Variants in DCTN5 observed in about 807,000 individuals in gnomAD.
DCTN5 encodes the protein dynactin 4.
In DCTN5, 14 loss-of-function variants were observed where a neutral mutation model predicts 23.5. The observed-to-expected ratio is 0.60, with a 90% CI of 0.39 to 0.93. The LOEUF (loss-of-function observed/expected upper bound fraction) is 0.93. Among genes scored for constraint, DCTN5 ranks in the 40% least tolerant of loss-of-function variants. The pLI, the probability that DCTN5 is intolerant of heterozygous loss-of-function variation, is 0.00. For synonymous variants in DCTN5, 67 were observed against 79.6 expected (o/e 0.84, Z 0.84); for missense variants, 156 against 225.9 (o/e 0.69, Z 1.98).
intron 3 of DCTN5, among the ~76,000 whole-genome samples, chr16:23,660,672 T>C (rs1362402062): frequency 6.6e-6 from 1 of 152,210 alleles, no homozygotes; most frequent in Non-Finnish European, 1.5e-5. Flanking sequence ...CAGTGTTCTC[T>C]CTCTTTTGTC....
At chr16:23,658,485 T>A (rs1365095314) in intron 2 of DCTN5, 22 bp from the exon 3 acceptor site, 6 of 1,572,450 alleles carry the variant, frequency 3.8e-6, no homozygotes, top group Non-Finnish European at 5.3e-6. Context: ...GCTAATTTTT[T>A]AAAATTTGCT....
At chr16:23,641,995 G>C (rs1001863545) in intron 1 of DCTN5, among the ~76,000 whole-genome samples, 5 of 152,116 alleles carry the variant, frequency 3.3e-5, no homozygotes, top group Admixed American at 3.3e-4. Context: ...GCCGCGGCGC[G>C]ATCTCTGCTC....
chr16:23,671,021 G>A lies in DCTN5; in HGVS notation c.*3877G>A, dbSNP rs952477361. ...TCTCATAGGGATCTCACAGCTTAGT[G>A]AGTGAGAAAGCCAAAGAGTCAAAAT... is the stretch of plus-strand genomic sequence containing the variant. On this transcript the variant is annotated 3_prime_UTR_variant, in exon 6 of 6. Coordinates refer to ENST00000300087, the MANE Select transcript of DCTN5 (RefSeq NM_032486.4). 6.6e-6 allele frequency: 1 copy of A among 152,168 alleles called. No homozygotes were observed. The highest frequency in any genetic ancestry group is 2.4e-5 in the African/African-American group (1 of 41,442). 9.4% of individuals were successfully genotyped at this position (152,168 alleles called of 1,614,324 possible). A position where few individuals can be genotyped will look rare whatever the true frequency, so the allele number is the denominator to read the frequency against.
chr16:23,658,727 T>G, intron 3 of DCTN5, 102 bp downstream of exon 3: 1 of 861,672 alleles, frequency 1.2e-6, no homozygotes. Context: ...TCTGTCCTGT[T>G]TGAAGCACTG....
chr16:23,667,251 C>T lies in DCTN5; in HGVS notation c.*107C>T. On this transcript the variant is annotated 3_prime_UTR_variant, in exon 6 of 6. Transcript: ENST00000300087. Reference sequence around the variant, plus strand: ...GCTTTTGTGTCTTTGACATCTACCACCCTCCTCCTTTTAAAAAATTTCTTT... The same window carrying T: ...GCTTTTGTGTCTTTGACATCTACCATCCTCCTCCTTTTAAAAAATTTCTTT... 7.2e-7 allele frequency: 1 copy of T among 1,391,368 alleles called. No individual in the cohort carries two copies. Among genetic ancestry groups the T allele is most frequent in the Non-Finnish European group, 9.8e-7 (1 of 1,018,078 alleles). The allele number at this position is 1,391,368 out of a possible 1,614,324, so 86.2% of individuals were successfully genotyped here. A position where few individuals can be genotyped will look rare whatever the true frequency, so the allele number is the denominator to read the frequency against.
At chr16:23,665,892 C>G in intron 5 of DCTN5, 164 bp downstream of exon 5, 1 of 618,336 alleles carries the variant, frequency 1.6e-6, no homozygotes, top group South Asian at 2.0e-5. Context: ...TAACATATAA[C>G]AAGCATCTGT....
chr16:23,647,658 C>T (rs1967498423), intron 2 of DCTN5, among the ~76,000 whole-genome samples: 1 of 151,654 alleles, frequency 6.6e-6, no homozygotes, highest in Non-Finnish European at 1.5e-5. Context: ...CAGTTGCGTG[C>T]CTCCATGCCT....
At chr16:23,656,218 C>T (rs1453454359) in intron 2 of DCTN5, among the ~76,000 whole-genome samples, 1 of 152,240 alleles carries the variant, frequency 6.6e-6, no homozygotes, top group African/African-American at 2.4e-5. Context: ...CAGAGCGAGA[C>T]CCTGTCTCTA....
chr16:23,641,659 C>T (rs1460149378), intron 1 of DCTN5, 69 bp downstream of exon 1: 42 of 1,529,446 alleles, frequency 2.7e-5, no homozygotes, highest in Non-Finnish European at 3.8e-5. Flanking sequence ...GTCGGCGTTC[C>T]CAACCTGCCC....
chr16:23,663,209 A>G (rs754135470), intron 4 of DCTN5, among the ~76,000 whole-genome samples: 8 of 152,214 alleles, frequency 5.3e-5, no homozygotes, highest in Non-Finnish European at 8.8e-5. Flanking sequence ...AGCAATATTT[A>G]TAGGCACTGT....
In DCTN5 at chr16:23,668,082, C is replaced by T. The variant is rs945999807; in HGVS notation, c.*938C>T. 2.6e-5 allele frequency: 4 copies of T among 152,326 alleles called. No homozygotes were observed. Among genetic ancestry groups the T allele is most frequent in the Admixed American group, 2.0e-4 (3 of 15,304 alleles). 9.4% of individuals were successfully genotyped at this position (152,326 alleles called of 1,614,324 possible). A position where few individuals can be genotyped will look rare whatever the true frequency, so the allele number is the denominator to read the frequency against. ...TTAGAATCAGTTTGTGGGCACAGAG[C>T]CTCAGGAGTAAATGAAGTTACTAGG... On this transcript the variant is annotated 3_prime_UTR_variant, in exon 6 of 6. Coordinates refer to ENST00000300087, the MANE Select transcript of DCTN5 (RefSeq NM_032486.4).
rs982573295 is a variant in DCTN5, at chr16:23,666,863, T to C, written c.452-184T>C. 11 of 852,826 alleles carry C rather than the reference T, an allele frequency of 1.3e-5. No homozygotes were observed. The East Asian group carries it at 2.7e-4, about 21-fold the overall frequency. The allele number at this position is 852,826 out of a possible 1,614,324, so 52.8% of individuals were successfully genotyped here. On this transcript the variant is annotated intron_variant, in intron 5 of 5. Coordinates refer to ENST00000300087, the MANE Select transcript of DCTN5 (RefSeq NM_032486.4). ...ACTTTTGTTTAGTAATTTCTCCATA[T>C]TGGGGTCCTGCTGTGAAAAAGTTTA...
chr16:23,650,933 C>T lies in DCTN5; in HGVS notation c.118-7574C>T, dbSNP rs766111960. Reference sequence around the variant, plus strand: ...AGCTGGTTGTTACTGTGTGGGAATACAGGCCCACGTGGCAACAATCAGCTT... The same window carrying T: ...AGCTGGTTGTTACTGTGTGGGAATATAGGCCCACGTGGCAACAATCAGCTT... On this transcript the variant is annotated intron_variant, in intron 2 of 5. Transcript: ENST00000300087. The T allele has an allele frequency of 2.6e-5, 37 of 1,407,006 alleles. No individual in the cohort carries two copies. The South Asian group carries it at 4.2e-4, about 16-fold the overall frequency. The allele number at this position is 1,407,006 out of a possible 1,614,324, so 87.2% of individuals were successfully genotyped here. A position where few individuals can be genotyped will look rare whatever the true frequency, so the allele number is the denominator to read the frequency against.
In DCTN5 at chr16:23,673,052, C is replaced by T. The variant is rs1023773522; in HGVS notation, c.*5908C>T. ...CTGAGGCAGGAGAATGGCGCGAACC[C>T]AGGGGGCGGAGCTTGCAGTGAGCTG... is the stretch of plus-strand genomic sequence containing the variant. On this transcript the variant is annotated 3_prime_UTR_variant, in exon 6 of 6. Coordinates refer to ENST00000300087, the MANE Select transcript of DCTN5 (RefSeq NM_032486.4). 1 of 150,926 alleles carries T rather than the reference C, an allele frequency of 6.6e-6. No individual in the cohort carries two copies. The highest frequency in any genetic ancestry group is 1.5e-5 in the Non-Finnish European group (1 of 67,912). 9.3% of individuals were successfully genotyped at this position (150,926 alleles called of 1,614,324 possible).
At chr16:23,666,028 G>A in intron 5 of DCTN5, 1 of 318,918 alleles carries the variant, frequency 3.1e-6, no homozygotes, top group Non-Finnish European at 5.8e-6. Context: ...GTGATTTGAG[G>A]GGTGATACTC....
At chr16:23,661,969 A>G (rs1054705227) in intron 4 of DCTN5, among the ~76,000 whole-genome samples, 11 of 151,220 alleles carry the variant, frequency 7.3e-5, no homozygotes, top group Admixed American at 1.3e-4. Flanking sequence ...TAATCCCAGC[A>G]CTTTGCGAGG....
chr16:23,674,593 G>C lies in DCTN5; in HGVS notation c.*7449G>C, dbSNP rs1031573688. On this transcript the variant is annotated 3_prime_UTR_variant, in exon 6 of 6. Transcript: ENST00000300087. ...CTTTTCTCCCAGCACACACAGCTTA[G>C]TAAGGTAGGTGGATTATTAAAACGT... The C allele has an allele frequency of 3.3e-5, 5 of 152,224 alleles. No homozygotes were observed. Among genetic ancestry groups the C allele is most frequent in the Non-Finnish European group, 7.3e-5 (5 of 68,050 alleles). The allele number at this position is 152,224 out of a possible 1,614,324, so 9.4% of individuals were successfully genotyped here. A position where few individuals can be genotyped will look rare whatever the true frequency, so the allele number is the denominator to read the frequency against.
At chr16:23,666,831 A>AG in intron 5 of DCTN5, 1 of 634,514 alleles carries the variant, frequency 1.6e-6, no homozygotes, top group South Asian at 2.4e-5. Context: ...CAGAGGAGGA[A>AG]GGAGAGACTT....
At chr16:23,665,515 C>A in intron 4 of DCTN5, 111 bp from the exon 5 acceptor site, 2 of 1,013,586 alleles carry the variant, frequency 2.0e-6, no homozygotes, top group East Asian at 2.6e-5. Flanking sequence ...TGCAACCAAC[C>A]CTCTTGTCAC....
Sources: gnomAD v4.1 joint callset for allele counts (sites outside exome capture counted in the v4.1 genomes callset) on GRCh38, gnomAD v4.1.1 for gene constraint, MANE v1.5 for transcripts, NCBI Gene and HGNC (gene_info 2026-07-23, HGNC 2026-07-21) for gene names.